Variants in ERAP1 observed in about 807,000 individuals in gnomAD.
ERAP1 encodes the protein endoplasmic reticulum aminopeptidase 1, also known as adipocyte-derived leucine aminopeptidase.
Under a neutral mutation model 103.7 loss-of-function variants are expected in ERAP1, and 86 were observed. That is an observed-to-expected ratio of 0.83 (90% CI 0.70 to 0.99). The LOEUF is 0.99. Ranked by LOEUF, ERAP1 falls within the 50% of genes least tolerant of loss-of-function variation. The pLI is 0.00. For missense variants in ERAP1, 1,009 were observed against 1,128.4 expected (o/e 0.89, Z 1.52); for synonymous variants, 398 against 402.4 (o/e 0.99, Z 0.13).
At chr5:96,863,528 T>C in the ERAP1 span, among the ~76,000 whole-genome samples, 1 of 152,114 alleles carries the variant, frequency 6.6e-6, no homozygotes, top group African/African-American at 2.4e-5. Context: ...GTTCTTATAA[T>C]CCTCCCCCGT....
At chr5:96,849,798 CCAAA>C in the ERAP1 span, among the ~76,000 whole-genome samples, 16 of 152,044 alleles carry the variant, frequency 1.1e-4, no homozygotes, top group South Asian at 2.1e-4. Flanking sequence ...CCTAAGTAGC[CCAAA>C]CAATCTTGAG....
the ERAP1 span, among the ~76,000 whole-genome samples, chr5:96,847,436 A>G: frequency 1.3e-5 from 2 of 152,190 alleles, no homozygotes; most frequent in Non-Finnish European, 2.9e-5. Flanking sequence ...AAAATCAATT[A>G]GGAAACATTG....
chr5:96,792,517 C>A (rs1466198995), intron 7 of ERAP1, among the ~76,000 whole-genome samples: 3 of 152,108 alleles, frequency 2.0e-5, no homozygotes, highest in Admixed American at 1.3e-4. Context: ...ATAGTAATTT[C>A]AACATTTCCA....
chr5:96,808,008 G>C, upstream of ERAP1: 1 of 985,586 alleles, frequency 1.0e-6, no homozygotes, highest in Non-Finnish European at 1.2e-6. Flanking sequence ...AGCGGCAGGC[G>C]GGGAAGCCCC....
the ERAP1 span, among the ~76,000 whole-genome samples, chr5:96,815,407 G>GTTTTTTGTTTTTT: frequency 1.9e-5 from 2 of 105,496 alleles, no homozygotes; most frequent in Non-Finnish European, 4.1e-5. Context: ...TGTTTGTTTT[G>GTTTTTTGTTTTTT]TTTTTTATTT....
the ERAP1 span, among the ~76,000 whole-genome samples, chr5:96,933,111 G>A: frequency 4.0e-5 from 6 of 151,680 alleles, no homozygotes; most frequent in African/African-American, 9.7e-5. Flanking sequence ...AACAGTATCC[G>A]TTGAAACAAA....
At chr5:96,895,092 C>G in the ERAP1 span, among the ~76,000 whole-genome samples, 1 of 151,388 alleles carries the variant, frequency 6.6e-6, no homozygotes, top group Non-Finnish European at 1.5e-5. Context: ...GCAAGGAAAT[C>G]AGTAGAAGAA....
the ERAP1 span, chr5:96,909,059 A>G: frequency 6.2e-7 from 1 of 1,614,218 alleles, no homozygotes; most frequent in Non-Finnish European, 8.5e-7. Context: ...AGTTACTTGG[A>G]ATCGTTTTAC....
exon 20 of ERAP1, chr5:96,762,437 G>A (rs902365476): frequency 8.3e-7 from 1 of 1,203,528 alleles, no homozygotes; most frequent in Middle Eastern, 2.0e-4. Flanking sequence ...AAGAAAATAG[G>A]GCGCCTGTTT....
chr5:96,774,442 TAC>T, downstream of ERAP1: 1 of 911,932 alleles, frequency 1.1e-6, no homozygotes, highest in Non-Finnish European at 1.3e-6. Flanking sequence ...CAGCCCTTTT[TAC>T]AGTCTAGTTA....
chr5:96,807,664 T>TGTCTCGCGCCCC (rs1167036394), intron 1 of ERAP1, among the ~76,000 whole-genome samples, 196 bp downstream of exon 1: 1 of 150,836 alleles, frequency 6.6e-6, no homozygotes, highest in East Asian at 1.9e-4. Flanking sequence ...TCCCGCGCCC[T>TGTCTCGCGCCCC]GTCTCGCGCC....
the ERAP1 span, among the ~76,000 whole-genome samples, chr5:96,855,450 C>G: frequency 1.3e-5 from 2 of 151,976 alleles, no homozygotes; most frequent in Admixed American, 1.3e-4. Context: ...AATTTTGTAG[C>G]AGAAAAACTT....
chr5:96,920,444 A>G, the ERAP1 span, among the ~76,000 whole-genome samples: 1 of 152,200 alleles, frequency 6.6e-6, no homozygotes, highest in Non-Finnish European at 1.5e-5. Flanking sequence ...GCCAGAAACT[A>G]CTGCAAGGAA....
the ERAP1 span, chr5:96,903,702 G>A: frequency 1.5e-6 from 1 of 661,386 alleles, no homozygotes; most frequent in Non-Finnish European, 2.4e-6. Flanking sequence ...CTAGGCCAAA[G>A]ACTACCCACT....
At chr5:96,765,239 G>A (rs761015608) in intron 19 of ERAP1, 12 of 1,601,874 alleles carry the variant, frequency 7.5e-6, no homozygotes, top group Middle Eastern at 1.7e-4. Context: ...CAAAGACCTC[G>A]ATGATGCCTT....
At chr5:96,873,697 CA>C in the ERAP1 span, 2 of 327,878 alleles carry the variant, frequency 6.1e-6, no homozygotes, top group South Asian at 4.9e-5. Flanking sequence ...AAAACAAAAA[CA>C]AAAACTAAAA....
chr5:96,812,961 CT>C (rs999537373), upstream of ERAP1, among the ~76,000 whole-genome samples: 1 of 152,052 alleles, frequency 6.6e-6, no homozygotes, highest in South Asian at 2.1e-4. Flanking sequence ...CACAGCCTTT[CT>C]TTTTTTTCTT....
chr5:96,865,533 T>C, the ERAP1 span, among the ~76,000 whole-genome samples: 1 of 152,234 alleles, frequency 6.6e-6, no homozygotes, highest in Non-Finnish European at 1.5e-5. Flanking sequence ...AATTGTTCTC[T>C]ACAAGTAATA....
intron 4 of ERAP1, among the ~76,000 whole-genome samples, chr5:96,796,030 G>A (rs28119): frequency 0.73 from 111,634 of 152,112 alleles, 41,356 homozygotes; most frequent in Non-Finnish European, 0.79. Flanking sequence ...AAGTGGCAAA[G>A]CAATGGGCGG....
Sources: gnomAD v4.1 joint callset for allele counts (sites outside exome capture counted in the v4.1 genomes callset) on GRCh38, gnomAD v4.1.1 for gene constraint, MANE v1.5 for transcripts, NCBI Gene and HGNC (gene_info 2026-07-23, HGNC 2026-07-21) for gene names.